The following MGAT5 variants were observed in gnomAD, a reference collection of about 807,000 sequenced individuals.
MGAT5 encodes the protein alpha-1,6-mannosylglycoprotein 6-beta-N-acetylglucosaminyltransferase, also known as alpha-1,6-mannosylglycoprotein 6-beta-N-acetylglucosaminyltransferase A.
Under a neutral mutation model 94.3 loss-of-function variants are expected in MGAT5, and 30 were observed. The ratio of observed to expected loss-of-function variants is 0.32; its 90% CI spans 0.24 to 0.43. The LOEUF (loss-of-function observed/expected upper bound fraction) is 0.43, where lower values mean the gene tolerates loss of function less well. MGAT5 is among the 20% of genes least tolerant of loss of function. The pLI, the probability that MGAT5 is intolerant of heterozygous loss-of-function variation, is 1.00. For missense variants in MGAT5, 691 were observed against 905.5 expected, an observed-to-expected ratio of 0.76 and a Z score of 3.04; for synonymous variants, 310 against 322.9, an observed-to-expected ratio of 0.96 and a Z score of 0.43.
chr2:134,345,375 A>T (rs1341967952), intron 8 of MGAT5, among the ~76,000 whole-genome samples: 1 of 152,212 alleles, frequency 6.6e-6, no homozygotes, highest in Admixed American at 6.5e-5. Context: ...TAAAATATGT[A>T]CAGTGTCATT....
At chr2:134,423,329 A>G (rs1421886401) in intron 13 of MGAT5, among the ~76,000 whole-genome samples, 1 of 152,240 alleles carries the variant, frequency 6.6e-6, no homozygotes, top group Non-Finnish European at 1.5e-5. Context: ...TGTTTGTTCT[A>G]TCTAAACATG....
intron 14 of MGAT5, among the ~76,000 whole-genome samples, chr2:134,434,728 G>C (rs1364971191): frequency 6.6e-6 from 1 of 152,096 alleles, no homozygotes; most frequent in Non-Finnish European, 1.5e-5. Context: ...AGCCTTCTCT[G>C]ACTGCTACCA....
At chr2:134,307,035 G>T (rs1686369594) in intron 2 of MGAT5, among the ~76,000 whole-genome samples, 1 of 152,092 alleles carries the variant, frequency 6.6e-6, no homozygotes, top group South Asian at 2.1e-4. Context: ...CGAGAGGGTT[G>T]ATCTACTGTT....
intron 4 of MGAT5, among the ~76,000 whole-genome samples, chr2:134,321,329 C>G (rs1236178455): frequency 6.6e-6 from 1 of 152,168 alleles, no homozygotes; most frequent in East Asian, 1.9e-4. Context: ...TAATTTCATG[C>G]CTTCCTAAGC....
intron 10 of MGAT5, among the ~76,000 whole-genome samples, chr2:134,368,135 A>G (rs1338056658): frequency 6.6e-6 from 1 of 152,234 alleles, no homozygotes; most frequent in Non-Finnish European, 1.5e-5. Context: ...GAGCTGCTCC[A>G]CTGCCACTAC....
chr2:134,289,900 C>T (rs927462639), intron 2 of MGAT5, among the ~76,000 whole-genome samples: 1 of 152,198 alleles, frequency 6.6e-6, no homozygotes, highest in African/African-American at 2.4e-5. Context: ...TTGCCCCATG[C>T]ACCTTTTTCC....
intron 1 of MGAT5, among the ~76,000 whole-genome samples, chr2:134,163,363 C>T (rs1334501961): frequency 6.6e-6 from 1 of 152,064 alleles, no homozygotes; most frequent in Non-Finnish European, 1.5e-5. Flanking sequence ...TAAGGGTGTT[C>T]CGGACGGTTC....
chr2:134,229,270 A>G (rs768330888), intron 1 of MGAT5, among the ~76,000 whole-genome samples: 11 of 152,344 alleles, frequency 7.2e-5, no homozygotes, highest in Middle Eastern at 6.8e-3. Context: ...TTGGCAAGTT[A>G]TAGGAAAGTG....
intron 10 of MGAT5, among the ~76,000 whole-genome samples, chr2:134,366,107 G>T (rs866034521): frequency 6.6e-6 from 1 of 152,236 alleles, no homozygotes; most frequent in African/African-American, 2.4e-5. Context: ...CTTAACTCAG[G>T]AAGCTGCAGT....
At chr2:134,393,427 G>A (rs573757357) in intron 10 of MGAT5, among the ~76,000 whole-genome samples, 71 of 152,180 alleles carry the variant, frequency 4.7e-4, no homozygotes, top group African/African-American at 1.7e-3. Flanking sequence ...CAAGCATAAG[G>A]ATCTTCAAAA....
chr2:134,193,934 G>C (rs1357466610), intron 1 of MGAT5, among the ~76,000 whole-genome samples: 1 of 152,182 alleles, frequency 6.6e-6, no homozygotes, highest in Non-Finnish European at 1.5e-5. Flanking sequence ...AAACTTGCCT[G>C]CTGCTCAGAA....
intron 10 of MGAT5, among the ~76,000 whole-genome samples, chr2:134,370,362 T>C (rs1680706887): frequency 6.6e-6 from 1 of 152,234 alleles, no homozygotes; most frequent in Non-Finnish European, 1.5e-5. Context: ...ATAAACCAGA[T>C]AAATTTAAAC....
At chr2:134,284,586 C>CA (rs139485570) in intron 2 of MGAT5, among the ~76,000 whole-genome samples, 11,082 of 143,474 alleles carry the variant, frequency 0.077, 992 homozygotes, top group African/African-American at 0.22. Flanking sequence ...TAAAATAGAG[C>CA]AAAAAAAAAA....
chr2:134,128,873 C>T lies in MGAT5; in HGVS notation c.-143+8582C>T, dbSNP rs956605992. On this transcript the variant is annotated intron_variant, in intron 1 of 16. Transcript: ENST00000409645. ...CTTAGTGCTCACAGTTGTGAGCCAC[C>T]GTGTCTGGACAGCTTTCCATTTTTT... 3.3e-5 allele frequency among the ~76,000 whole-genome samples: 5 copies of T among 152,258 alleles called. No individual in the cohort carries two copies. The South Asian group carries it at 6.2e-4, about 19-fold the overall frequency.
At chr2:134,394,595 G>A (rs1682602091) in intron 10 of MGAT5, among the ~76,000 whole-genome samples, 1 of 152,184 alleles carries the variant, frequency 6.6e-6, no homozygotes, top group Admixed American at 6.5e-5. Context: ...AAGTATTAAT[G>A]TATTACTTTA....
chr2:134,423,335 A>C (rs1242270812), intron 13 of MGAT5, among the ~76,000 whole-genome samples: 1 of 152,202 alleles, frequency 6.6e-6, no homozygotes, highest in Non-Finnish European at 1.5e-5. Flanking sequence ...TTCTATCTAA[A>C]CATGTAGTAG....
At chr2:134,387,326 A>ATTTTTT (rs1207478645) in intron 10 of MGAT5, among the ~76,000 whole-genome samples, 1 of 36,766 alleles carries the variant, frequency 2.7e-5, no homozygotes, top group African/African-American at 1.4e-4. Flanking sequence ...ATATATATAT[A>ATTTTTT]TATATATTTT....
At chr2:134,138,922 G>T (rs560857233) in intron 1 of MGAT5, among the ~76,000 whole-genome samples, 2 of 152,260 alleles carry the variant, frequency 1.3e-5, no homozygotes, top group African/African-American at 4.8e-5. Flanking sequence ...GTACAGATTG[G>T]GGGTTAAATG....
At chr2:134,289,214 G>A (rs949205724) in intron 2 of MGAT5, among the ~76,000 whole-genome samples, 8 of 152,122 alleles carry the variant, frequency 5.3e-5, no homozygotes, top group Non-Finnish European at 8.8e-5. Flanking sequence ...CATGCCCTTT[G>A]CTCGGCAGGA....
Sources: allele counts gnomAD v4.1 joint callset (sites outside exome capture counted in the v4.1 genomes callset), GRCh38; gene constraint gnomAD v4.1.1; transcripts MANE v1.5; gene names NCBI Gene and HGNC (gene_info 2026-07-23, HGNC 2026-07-21).